PCSK5: variants seen among roughly 807,000 people sequenced by gnomAD.
PCSK5 encodes the protein proprotein convertase subtilisin/kexin type 5.
Under a neutral mutation model 233.2 loss-of-function variants are expected in PCSK5, and 129 were observed. The observed-to-expected ratio is 0.55, with a 90% confidence interval of 0.48 to 0.64. The LOEUF (loss-of-function observed/expected upper bound fraction) is 0.64. Ranked by LOEUF, PCSK5 falls within the 30% of genes least tolerant of loss-of-function variation. The pLI is 0.00. For missense variants in PCSK5, 2,076 were observed against 2,430.1 expected, an observed-to-expected ratio of 0.85 and a Z score of 3.06; for synonymous variants, 825 against 879.2, an observed-to-expected ratio of 0.94 and a Z score of 1.09.
In PCSK5 at chr9:76,204,549, C is replaced by A. The variant is rs527976063; in HGVS notation, c.2626+14803C>A. On this transcript the variant is annotated intron_variant, in intron 20 of 37. Transcript: ENST00000674117. Reference sequence around the variant, plus strand: ...GCCTGTCCCGGTGGCCAAGCCTCCCCGCACTGGACCCTTTGCAGACATGGT... The same window carrying A: ...GCCTGTCCCGGTGGCCAAGCCTCCCAGCACTGGACCCTTTGCAGACATGGT... Among the ~76,000 whole-genome samples, 8 of 151,970 alleles carry A rather than the reference C, an allele frequency of 5.3e-5. No homozygotes were observed. In the South Asian group the frequency reaches 1.7e-3, roughly 32 times the overall value.
rs71372041 is a variant in PCSK5 at position 76,046,160 on chromosome 9, G to GTTTTTTTTTT, written c.632+19149_632+19158dup. ...GCATTAACACATAATTTTTTCTTTT[G>GTTTTTTTTTT]TTTTTTTTTTTTTTTTTTTTTTTTT... On this transcript the variant is annotated intron_variant, in intron 5 of 37. Coordinates refer to ENST00000674117, the MANE Select transcript of PCSK5 (RefSeq NM_001372043.1). 2.6e-3 allele frequency among the ~76,000 whole-genome samples: 148 copies of GTTTTTTTTTT among 58,036 alleles called. 39 individuals carry two copies. The highest frequency in any genetic ancestry group is 9.6e-3 in the East Asian group (19 of 1,976). 38.1% of individuals were successfully genotyped at this position (58,036 alleles called of 152,430 possible).
chr9:76,200,597 A>G (rs1824875718), intron 20 of PCSK5, among the ~76,000 whole-genome samples: 1 of 152,240 alleles, frequency 6.6e-6, no homozygotes, highest in Non-Finnish European at 1.5e-5. Flanking sequence ...GAATAAGAAA[A>G]CATCCGAGAG....
intron 2 of PCSK5, among the ~76,000 whole-genome samples, chr9:75,979,508 C>T (rs530618364): frequency 6.6e-6 from 1 of 152,132 alleles, no homozygotes; most frequent in Non-Finnish European, 1.5e-5. Flanking sequence ...GACCAGATGG[C>T]TGGGGTTCTG....
In PCSK5 at chr9:76,358,648, G is replaced by C. The variant is rs573499972; in HGVS notation, c.5390G>C (p.Arg1797Pro). 1 of 1,612,746 alleles carries C rather than the reference G, an allele frequency of 6.2e-7. No individual in the cohort carries two copies. Among genetic ancestry groups the C allele is most frequent in the South Asian group, 1.1e-5 (1 of 91,070 alleles). Residue 1797 changes from arginine (R) to proline (P), a missense_variant, in exon 38 of 38, where the codon CGA (arginine) becomes CCA (proline). Arg to Pro is a moderately radical substitution (Grantham distance 103, BLOSUM62 -2). This residue lies in a region of PCSK5 where 1,510 missense variants were observed against 1,538.1 expected (regional missense o/e 0.98). Coordinates refer to ENST00000674117, the MANE Select transcript of PCSK5 (RefSeq NM_001372043.1). ...AVVVWKKSRG[R>P]VQPAAKAGYE... ...GTAGTGTGGAAGAAATCTCGTGGCCGAGTCCAGCCAGCAGCAAAGGCCGGC... is the reference window on the plus strand; with the variant it reads ...GTAGTGTGGAAGAAATCTCGTGGCCCAGTCCAGCCAGCAGCAAAGGCCGGC...
intron 24 of PCSK5, among the ~76,000 whole-genome samples, chr9:76,290,772 G>T (rs536085130): frequency 6.6e-6 from 1 of 152,298 alleles, no homozygotes; most frequent in East Asian, 1.9e-4. Flanking sequence ...ACTCAACTCT[G>T]GTTATATAGC....
At chr9:76,001,809 G>C (rs1827273653) in intron 3 of PCSK5, among the ~76,000 whole-genome samples, 1 of 152,088 alleles carries the variant, frequency 6.6e-6, no homozygotes, top group African/African-American at 2.4e-5. Flanking sequence ...GTAGAATTTT[G>C]TCCAAGAAAA....
chr9:76,230,680 C>G (rs528971966), intron 21 of PCSK5, among the ~76,000 whole-genome samples: 1 of 152,176 alleles, frequency 6.6e-6, no homozygotes, highest in Non-Finnish European at 1.5e-5. Context: ...TGAGCTCCAT[C>G]TCCTGTCACA....
intron 10 of PCSK5, among the ~76,000 whole-genome samples, chr9:76,149,819 A>T (rs1823589932): frequency 1.3e-5 from 2 of 152,232 alleles, no homozygotes; most frequent in Non-Finnish European, 2.9e-5. Flanking sequence ...TATCTTAAGC[A>T]AATTACTTGC....
At chr9:76,097,400 C>T (rs1231786714) in intron 8 of PCSK5, among the ~76,000 whole-genome samples, 1 of 151,772 alleles carries the variant, frequency 6.6e-6, no homozygotes. Flanking sequence ...GCTGGGACTA[C>T]AGGCGCCCGC....
At chr9:75,949,862 A>G (rs897262351) in intron 2 of PCSK5, among the ~76,000 whole-genome samples, 2 of 152,092 alleles carry the variant, frequency 1.3e-5, no homozygotes, top group African/African-American at 4.8e-5. Context: ...AGGTGTCTAT[A>G]TTTATGGGGT....
Position 76,058,532 on chromosome 9 carries a change from G to A in PCSK5, c.633-9423G>A, listed in dbSNP as rs73454508. ...TTTACACCTGTAATTCCTATTACCC[G>A]TACAGCCCAAATTTTAAATGTGGAA... On this transcript the variant is annotated intron_variant, in intron 5 of 37. Coordinates refer to ENST00000674117, the MANE Select transcript of PCSK5 (RefSeq NM_001372043.1). 8.6e-4 allele frequency among the ~76,000 whole-genome samples: 131 copies of A among 152,174 alleles called. 1 individual carries two copies. The highest frequency in any genetic ancestry group is 2.8e-3 in the African/African-American group (116 of 41,530).
At chr9:76,228,850 A>G (rs982312277) in intron 21 of PCSK5, among the ~76,000 whole-genome samples, 2 of 152,166 alleles carry the variant, frequency 1.3e-5, no homozygotes, top group African/African-American at 4.8e-5. Context: ...CAAGACTATA[A>G]TATTCTTGCA....
intron 5 of PCSK5, among the ~76,000 whole-genome samples, chr9:76,040,397 C>A (rs570338366): frequency 8.2e-6 from 1 of 121,612 alleles, no homozygotes; most frequent in Non-Finnish European, 1.8e-5. Context: ...CTCTCTCTCT[C>A]TCTCTCTCTC....
At position 76,354,177 on chromosome 9, in the gene PCSK5, C is replaced by A; in HGVS notation, c.5212C>A (p.Pro1738Thr). 6.3e-7 allele frequency: 1 copy of A among 1,588,034 alleles called. No homozygotes were observed. The highest frequency in any genetic ancestry group is 1.2e-5 in the South Asian group (1 of 86,942). Residue 1738 changes from proline (P) to threonine (T), a missense_variant, in exon 37 of 38, where the codon CCC (proline) becomes ACC (threonine). Pro to Thr is a conservative substitution (Grantham distance 38, BLOSUM62 -1). Around this residue, in one of 6 missense-constraint regions of PCSK5, gnomAD observed 1,510 missense variants for 1,538.1 expected, o/e 0.98. Transcript: ENST00000674117. Reference sequence around the variant, plus strand: ...CCTCCACTGCTGCAACACCTCTGATCCCCCCAGTGCCCAGGAGTGCTGTGA... The same window carrying A: ...CCTCCACTGCTGCAACACCTCTGATACCCCCAGTGCCCAGGAGTGCTGTGA... ...HCLHCCNTSD[P>T]PSAQECCDCQ...
chr9:75,892,223 CCTGCTAGGG>C (rs1825640715), intron 1 of PCSK5, among the ~76,000 whole-genome samples: 1 of 152,188 alleles, frequency 6.6e-6, no homozygotes. Context: ...GCAGAGCTCT[CCTGCTAGGG>C]AGAAATGCCC....
At chr9:76,193,457 C>CTTTCT (rs1363072404) in intron 20 of PCSK5, 1 of 803,706 alleles carries the variant, frequency 1.2e-6, no homozygotes, top group African/African-American at 1.8e-5. Context: ...CCACCTCTCT[C>CTTTCT]TTTCTTTTCT....
At chr9:75,985,596 T>C (rs1405536194) in intron 2 of PCSK5, among the ~76,000 whole-genome samples, 1 of 152,170 alleles carries the variant, frequency 6.6e-6, no homozygotes, top group Non-Finnish European at 1.5e-5. Flanking sequence ...AATTATAAAC[T>C]GTGGCATGTG....
chr9:76,175,774 AAAAG>A lies in PCSK5; in HGVS notation c.1900+651_1900+654del, dbSNP rs373281455. Among the ~76,000 whole-genome samples, 236 of 152,336 alleles carry A rather than the reference AAAAG, an allele frequency of 1.5e-3. 1 individual carries two copies. Among genetic ancestry groups the A allele is most frequent in the African/African-American group, 5.3e-3 (222 of 41,580 alleles). On this transcript the variant is annotated intron_variant, in intron 14 of 37. Transcript: ENST00000674117. The stretch of plus-strand genomic sequence containing the variant: ...AAAATAAAGAGAAAAAAAAGTAAAA[AAAAG>A]AAAGAGGTGAACGTTTTAAAAGTGT...
rs57004955 is a variant in PCSK5 at position 75,906,951 on chromosome 9, T to A, written c.192+15578T>A. Among the ~76,000 whole-genome samples, 1,037 of 152,310 alleles carry A rather than the reference T, an allele frequency of 6.8e-3. 11 individuals are homozygous for A. Among genetic ancestry groups the A allele is most frequent in the African/African-American group, 0.024 (984 of 41,570 alleles). ...CCACCTGAACTATTCACCTGATCCA[T>A]TGCTCTTCTGGAAATTTTATCTCTT... is the stretch of plus-strand genomic sequence containing the variant. On this transcript the variant is annotated intron_variant, in intron 1 of 37. Transcript: ENST00000674117.
Sources: gnomAD v4.1 joint callset for allele counts (sites outside exome capture counted in the v4.1 genomes callset) on GRCh38, gnomAD v4.1.1 for gene constraint, gnomAD v4.1.1 regional missense constraint, MANE v1.5 for transcripts, NCBI Gene and HGNC (gene_info 2026-07-23, HGNC 2026-07-21) for gene names.